Variants in KCTD16 observed in about 807,000 individuals in gnomAD.
KCTD16 encodes the protein potassium channel tetramerization domain containing 16.
Under a neutral mutation model 33.2 loss-of-function variants are expected in KCTD16, and 13 were observed. The ratio of observed to expected loss-of-function variants is 0.39; its 90% CI spans 0.25 to 0.62. The LOEUF is 0.62. Ranked by LOEUF, KCTD16 falls within the 20% of genes least tolerant of loss-of-function variation. The pLI is 0.50. For missense variants in KCTD16, 441 were observed against 525.1 expected (o/e 0.84, Z 1.57); for synonymous variants, 197 against 195.3 (o/e 1.01, Z -0.07).
At chr5:144,290,729 C>A (rs924893828) in intron 3 of KCTD16, among the ~76,000 whole-genome samples, 4 of 152,156 alleles carry the variant, frequency 2.6e-5, no homozygotes, top group Non-Finnish European at 4.4e-5. Flanking sequence ...TTTATTTTCT[C>A]TTAATGCCTG....
intron 3 of KCTD16, among the ~76,000 whole-genome samples, chr5:144,219,513 CTT>C (rs59442398): frequency 2.6e-5 from 2 of 77,126 alleles, no homozygotes; most frequent in Non-Finnish European, 4.6e-5. Flanking sequence ...TGTGCTGGGC[CTT>C]TTTTTTTTTT....
intron 1 of KCTD16, among the ~76,000 whole-genome samples, chr5:144,173,565 C>T (rs577742048): frequency 3.9e-5 from 6 of 152,222 alleles, no homozygotes; most frequent in African/African-American, 9.6e-5. Flanking sequence ...ACAACAAACC[C>T]CCATGATACA....
intron 3 of KCTD16, among the ~76,000 whole-genome samples, chr5:144,358,298 A>G (rs1751622092): frequency 6.6e-6 from 1 of 152,150 alleles, no homozygotes; most frequent in Admixed American, 6.6e-5. Context: ...AATGGAATTT[A>G]TAGGGATTGG....
chr5:144,450,677 A>G (rs1342448226), intron 3 of KCTD16, among the ~76,000 whole-genome samples: 1 of 152,122 alleles, frequency 6.6e-6, no homozygotes, highest in Non-Finnish European at 1.5e-5. Context: ...ACATTGTGCT[A>G]AGTGAAATAA....
intron 2 of KCTD16, among the ~76,000 whole-genome samples, chr5:144,176,072 T>C (rs1250778243): frequency 6.6e-6 from 1 of 152,206 alleles, no homozygotes; most frequent in African/African-American, 2.4e-5. Flanking sequence ...CTTGTCTGCA[T>C]TGTAAATTTT....
At chr5:144,452,514 A>T (rs946452696) in intron 3 of KCTD16, among the ~76,000 whole-genome samples, 2 of 152,014 alleles carry the variant, frequency 1.3e-5, no homozygotes, top group Non-Finnish European at 1.5e-5. Context: ...GGGGAAAGAG[A>T]GAAATAGGGA....
At chr5:144,363,079 C>T (rs967591427) in intron 3 of KCTD16, among the ~76,000 whole-genome samples, 3 of 152,128 alleles carry the variant, frequency 2.0e-5, no homozygotes, top group African/African-American at 4.8e-5. Flanking sequence ...ATGCCAGGCA[C>T]GGTGGCTCAT....
chr5:144,248,845 A>G (rs1174556710), intron 3 of KCTD16, among the ~76,000 whole-genome samples: 1 of 152,198 alleles, frequency 6.6e-6, no homozygotes, highest in Non-Finnish European at 1.5e-5. Context: ...AGTTTGGGAC[A>G]TGTTGAGTTT....
At chr5:144,462,460 T>C (rs1754218684) in intron 3 of KCTD16, among the ~76,000 whole-genome samples, 1 of 150,904 alleles carries the variant, frequency 6.6e-6, no homozygotes, top group African/African-American at 2.4e-5. Flanking sequence ...CATGATTTGA[T>C]GAGAAAGAGA....
chr5:144,422,074 C>T (rs751351888), intron 3 of KCTD16, among the ~76,000 whole-genome samples: 2 of 152,142 alleles, frequency 1.3e-5, no homozygotes, highest in Non-Finnish European at 2.9e-5. Flanking sequence ...TACTCTGACT[C>T]TTAAATGTCA....
At chr5:144,295,332 A>G (rs1186702779) in intron 3 of KCTD16, among the ~76,000 whole-genome samples, 1 of 152,208 alleles carries the variant, frequency 6.6e-6, no homozygotes, top group Non-Finnish European at 1.5e-5. Context: ...GTTCTCTAGA[A>G]ACAAATTCTG....
chr5:144,179,278 C>T (rs10476860), intron 2 of KCTD16, among the ~76,000 whole-genome samples: 1 of 152,112 alleles, frequency 6.6e-6, no homozygotes, highest in African/African-American at 2.4e-5. Context: ...TCAGCCACCC[C>T]ACTCAGGCCT....
At chr5:144,184,225 G>C (rs574647441) in intron 2 of KCTD16, among the ~76,000 whole-genome samples, 11 of 152,266 alleles carry the variant, frequency 7.2e-5, no homozygotes, top group Admixed American at 7.2e-4. Flanking sequence ...AACTTGCAAA[G>C]TGAAATTCTA....
At chr5:144,421,290 A>G (rs2126962157) in intron 3 of KCTD16, among the ~76,000 whole-genome samples, 1 of 152,266 alleles carries the variant, frequency 6.6e-6, no homozygotes, top group Non-Finnish European at 1.5e-5. Context: ...CTCAGGCCCC[A>G]CTTCTCTCTG....
At chr5:144,247,341 G>A (rs531304131) in intron 3 of KCTD16, among the ~76,000 whole-genome samples, 1 of 152,284 alleles carries the variant, frequency 6.6e-6, no homozygotes, top group African/African-American at 2.4e-5. Context: ...ATCACCCTGA[G>A]GCAACTCAGG....
In KCTD16 at chr5:144,231,691, A is replaced by T. The variant is rs2546529; in HGVS notation, c.832+24145A>T. 3.8e-3 allele frequency among the ~76,000 whole-genome samples: 572 copies of T among 152,084 alleles called. 2 individuals carry two copies. Among genetic ancestry groups the T allele is most frequent in the Non-Finnish European group, 6.1e-3 (416 of 67,978 alleles). The stretch of plus-strand genomic sequence containing the variant: ...CCCCATACTGTTCTCATGATAGTGA[A>T]TTTTCACGAGATCTGATGGTTTTAT... On this transcript the variant is annotated intron_variant, in intron 3 of 3. Coordinates refer to ENST00000512467, the MANE Select transcript of KCTD16 (RefSeq NM_020768.4).
chr5:144,338,731 T>C (rs1350972215), intron 3 of KCTD16, among the ~76,000 whole-genome samples: 1 of 152,140 alleles, frequency 6.6e-6, no homozygotes, highest in Non-Finnish European at 1.5e-5. Flanking sequence ...ATGAAGATCA[T>C]GTACTTGGAG....
chr5:144,359,852 C>T (rs1751664454), intron 3 of KCTD16, among the ~76,000 whole-genome samples: 1 of 151,860 alleles, frequency 6.6e-6, no homozygotes, highest in Admixed American at 6.6e-5. Flanking sequence ...AATGGATGTG[C>T]CCCTCCGAAA....
chr5:144,240,420 T>C (rs1754371608), intron 3 of KCTD16, among the ~76,000 whole-genome samples: 1 of 152,088 alleles, frequency 6.6e-6, no homozygotes, highest in Admixed American at 6.6e-5. Context: ...TTTGAGATAA[T>C]GTAAGTCTAA....
Sources: allele counts gnomAD v4.1 joint callset (sites outside exome capture counted in the v4.1 genomes callset), GRCh38; gene constraint gnomAD v4.1.1; transcripts MANE v1.5; gene names NCBI Gene and HGNC (gene_info 2026-07-23, HGNC 2026-07-21).